PPP1R13B: variants seen among roughly 807,000 people sequenced by gnomAD.
PPP1R13B encodes the protein apoptosis-stimulating of p53 protein 1.
In PPP1R13B, 44 loss-of-function variants were observed where a neutral mutation model predicts 119.8. The observed-to-expected ratio is 0.37, with a 90% CI of 0.29 to 0.47. PPP1R13B has a LOEUF of 0.47. PPP1R13B is among the 20% of genes least tolerant of loss of function. The pLI, the probability that PPP1R13B is intolerant of heterozygous loss-of-function variation, is 0.99. For missense variants in PPP1R13B, 1,227 were observed against 1,413.5 expected (o/e 0.87, Z 2.12); for synonymous variants, 542 against 561.5 (o/e 0.97, Z 0.49).
chr14:103,823,909 A>C (rs138563621), intron 1 of PPP1R13B, among the ~76,000 whole-genome samples: 1 of 152,010 alleles, frequency 6.6e-6, no homozygotes, highest in East Asian at 1.9e-4. Context: ...AGGTACATAC[A>C]TATCCTTTCA....
intron 1 of PPP1R13B, among the ~76,000 whole-genome samples, chr14:103,826,307 C>T (rs1208744383): frequency 6.6e-6 from 1 of 152,132 alleles, no homozygotes; most frequent in Non-Finnish European, 1.5e-5. Flanking sequence ...AGATTTAACA[C>T]CCAGGATATA....
intron 8 of PPP1R13B, 70 bp from the exon 9 acceptor site, chr14:103,746,623 G>A (rs2084392808): frequency 1.5e-6 from 2 of 1,316,626 alleles, no homozygotes; most frequent in Admixed American, 2.7e-5. Context: ...TAGTGCAAGA[G>A]ACTGCCAGCT....
At chr14:103,848,673 G>T (rs1008305542), upstream of PPP1R13B, among the ~76,000 whole-genome samples, 1 of 152,250 alleles carries the variant, frequency 6.6e-6, no homozygotes, top group Non-Finnish European at 1.5e-5. Flanking sequence ...TCAGTCTGGA[G>T]CCTGTCTGGT....
At chr14:103,807,877 A>G (rs1354944508) in intron 1 of PPP1R13B, among the ~76,000 whole-genome samples, 4 of 152,166 alleles carry the variant, frequency 2.6e-5, no homozygotes, top group African/African-American at 4.8e-5. Context: ...TCTCTGTAGA[A>G]AAGACAATAT....
Position 103,749,787 on chromosome 14 carries a change from C to CA in PPP1R13B, c.969+6dup, listed in dbSNP as rs778548094. The stretch of plus-strand genomic sequence containing the variant: ...GTAGTTTATCTCACAAAAACTTTTT[C>CA]ACATGCCTGAATTTTTTTCCCATAG... On this transcript the variant is annotated splice_region_variant and intron_variant, in intron 8 of 16. Transcript: ENST00000202556. 3.0e-4 allele frequency: 480 copies of CA among 1,607,528 alleles called. No homozygotes were observed. The highest frequency in any genetic ancestry group is 3.9e-4 in the Non-Finnish European group (465 of 1,178,320).
chr14:103,848,384 C>A, upstream of PPP1R13B: 2 of 985,478 alleles, frequency 2.0e-6, no homozygotes, highest in Non-Finnish European at 2.4e-6. Flanking sequence ...GCCGCCCCCT[C>A]GGGCCTGAGC....
chr14:103,745,887 C>T (rs1474570384), intron 9 of PPP1R13B, among the ~76,000 whole-genome samples: 5 of 152,174 alleles, frequency 3.3e-5, no homozygotes, highest in Non-Finnish European at 5.9e-5. Flanking sequence ...CTCACTGCAA[C>T]CTCCGCCTCC....
intron 1 of PPP1R13B, among the ~76,000 whole-genome samples, chr14:103,809,549 T>C (rs2152056807): frequency 6.6e-6 from 1 of 152,112 alleles, no homozygotes; most frequent in Non-Finnish European, 1.5e-5. Context: ...AGGTTGGGTG[T>C]GGCGGCTCAC....
chr14:103,742,707 T>C lies in PPP1R13B; in HGVS notation c.1267A>G (p.Thr423Ala), dbSNP rs2151967328. 6.2e-7 allele frequency: 1 copy of C among 1,614,012 alleles called. No homozygotes were observed. Among genetic ancestry groups the C allele is most frequent in the African/African-American group, 1.3e-5 (1 of 75,056 alleles). Residue 423 changes from threonine (T) to alanine (A), a missense_variant, in exon 10 of 17, where the codon ACT becomes GCT. Transcript: ENST00000202556. The surrounding 1 kb of genome is among the most constrained non-coding windows in gnomAD (Gnocchi z 4.9). ...PSVEGSVKQGTVSSQPVPFSA... is the reference protein window; with the variant it reads ...PSVEGSVKQGAVSSQPVPFSA... ...AAGGGCACAGGCTGGCTGGAGACAG[T>C]GCCCTGCTTGACAGACCCCTCCACG...
chr14:103,847,364 G>A lies in PPP1R13B; in HGVS notation c.-57C>T. The A allele has an allele frequency of 8.6e-7, 1 of 1,165,538 alleles. No individual in the cohort carries two copies. Among genetic ancestry groups the A allele is most frequent in the Non-Finnish European group, 1.1e-6 (1 of 934,472 alleles). The allele number at this position is 1,165,538 out of a possible 1,614,324, so 72.2% of individuals were successfully genotyped here. Reference sequence around the variant, plus strand: ...CGCCTGACAGGACGCTCCGCGCCGAGCTGTGCCCACCGCTCCGGCCGCCTC... The same window carrying A: ...CGCCTGACAGGACGCTCCGCGCCGAACTGTGCCCACCGCTCCGGCCGCCTC... On this transcript the variant is annotated 5_prime_UTR_variant, in exon 1 of 17. Transcript: ENST00000202556.
At chr14:103,749,651 TTC>T (rs1170928034) in intron 8 of PPP1R13B, 141 bp downstream of exon 8, 13 of 851,270 alleles carry the variant, frequency 1.5e-5, no homozygotes, top group Middle Eastern at 2.6e-4. Context: ...AGGAACTCTG[TTC>T]TGTCATTTTT....
intron 3 of PPP1R13B, among the ~76,000 whole-genome samples, chr14:103,779,951 A>C (rs1405398975): frequency 6.6e-6 from 1 of 151,672 alleles, no homozygotes; most frequent in Non-Finnish European, 1.5e-5. Context: ...GGAGTTTGAG[A>C]CCAGCCTGCC....
intron 5 of PPP1R13B, among the ~76,000 whole-genome samples, chr14:103,756,757 CTT>C (rs1281159170): frequency 6.6e-6 from 1 of 150,648 alleles, no homozygotes; most frequent in African/African-American, 2.5e-5. Flanking sequence ...TTCCCGATTT[CTT>C]TGTTTTTTTT....
intron 1 of PPP1R13B, among the ~76,000 whole-genome samples, chr14:103,811,221 T>C (rs2086148647): frequency 6.6e-6 from 1 of 152,054 alleles, no homozygotes; most frequent in African/African-American, 2.4e-5. Context: ...CCACAGACTA[T>C]GACCTCTTAG....
At chr14:103,773,059 TG>T (rs2085107820) in intron 4 of PPP1R13B, among the ~76,000 whole-genome samples, 1 of 152,190 alleles carries the variant, frequency 6.6e-6, no homozygotes, top group Admixed American at 6.6e-5. Context: ...ATCAGGTACA[TG>T]ATTTGCTAGT....
chr14:103,778,828 A>C lies in PPP1R13B; in HGVS notation c.278-7T>G. ...TCTTGGGTCTGACGGCCACCTAAAG[A>C]AATAAAAGAACCAAACTCACCAAAA... On this transcript the variant is annotated splice_polypyrimidine_tract_variant and splice_region_variant and intron_variant, in intron 3 of 16. Coordinates refer to ENST00000202556, the MANE Select transcript of PPP1R13B (RefSeq NM_015316.3). 1 of 1,611,982 alleles carries C rather than the reference A, an allele frequency of 6.2e-7. No homozygotes were observed. Among genetic ancestry groups the C allele is most frequent in the Non-Finnish European group, 8.5e-7 (1 of 1,178,186 alleles).
At chr14:103,816,008 C>T (rs974618880) in intron 1 of PPP1R13B, among the ~76,000 whole-genome samples, 2 of 149,076 alleles carry the variant, frequency 1.3e-5, no homozygotes, top group Non-Finnish European at 3.0e-5. Context: ...GGTATGAACC[C>T]AGGAGACAGA....
At chr14:103,785,402 G>C (rs1375868512) in intron 2 of PPP1R13B, among the ~76,000 whole-genome samples, 2 of 152,102 alleles carry the variant, frequency 1.3e-5, no homozygotes, top group Non-Finnish European at 2.9e-5. Context: ...GTATTTAGTA[G>C]AGAGAGGGTT....
At chr14:103,832,723 T>C (rs935346314) in intron 1 of PPP1R13B, among the ~76,000 whole-genome samples, 6 of 152,154 alleles carry the variant, frequency 3.9e-5, no homozygotes, top group Admixed American at 3.9e-4. Context: ...TCCCAGCACT[T>C]TGGGAGGCCA....
Sources: gnomAD v4.1 joint callset for allele counts (sites outside exome capture counted in the v4.1 genomes callset) on GRCh38, gnomAD v4.1.1 for gene constraint, Gnocchi (gnomAD v3.1) non-coding constraint, MANE v1.5 for transcripts, NCBI Gene and HGNC (gene_info 2026-07-23, HGNC 2026-07-21) for gene names.